Variants in KCNJ16 observed in about 807,000 individuals in gnomAD.
The protein encoded by KCNJ16 is inward rectifier potassium channel 16.
A neutral mutation model predicts 18.5 loss-of-function variants in KCNJ16; 15 were observed. That is an observed-to-expected ratio of 0.81 (90% CI 0.54 to 1.25). The LOEUF (loss-of-function observed/expected upper bound fraction) is 1.25. Among genes scored for constraint, KCNJ16 ranks in the 50% most tolerant of loss-of-function variants. The probability of loss-of-function intolerance (pLI) is 0.00; values close to 1 mark genes in which losing one functional copy is unlikely to be tolerated. For missense variants in KCNJ16, 523 were observed against 525.7 expected, an observed-to-expected ratio of 0.99 and a Z score of 0.05; for synonymous variants, 174 against 186.5, an observed-to-expected ratio of 0.93 and a Z score of 0.55.
chr17:70,132,485 G>A lies in KCNJ16; in HGVS notation c.398G>A (p.Gly133Glu). The part of the protein sequence containing the change: ...LFSLETQTTI[G>E]YGYRCVTEEC... ...TCCCTAGAGACCCAAACCACCATAGGATATGGTTATCGCTGTGTTACTGAA... is the reference window on the plus strand; with the variant it reads ...TCCCTAGAGACCCAAACCACCATAGAATATGGTTATCGCTGTGTTACTGAA... Residue 133 changes from glycine (G) to glutamate (E), a missense_variant, in exon 4 of 4, where the codon GGA becomes GAA. Coordinates refer to ENST00000392671, the MANE Select transcript of KCNJ16 (RefSeq NM_170741.4). The A allele has an allele frequency of 6.2e-7, 1 of 1,614,098 alleles. No individual in the cohort carries two copies. The highest frequency in any genetic ancestry group is 8.5e-7 in the Non-Finnish European group (1 of 1,180,018).
At chr17:70,113,750 C>T (rs1244565146) in intron 2 of KCNJ16, among the ~76,000 whole-genome samples, 3 of 152,022 alleles carry the variant, frequency 2.0e-5, no homozygotes, top group African/African-American at 7.2e-5. Context: ...TAATAAAATT[C>T]CAACCTTCCA....
Position 70,132,016 on chromosome 17 carries a change from C to A in KCNJ16, c.-72C>A. 6.3e-7 allele frequency: 1 copy of A among 1,595,366 alleles called. No individual in the cohort carries two copies. The highest frequency in any genetic ancestry group is 1.1e-5 in the South Asian group (1 of 89,342). On this transcript the variant is annotated 5_prime_UTR_variant, in exon 4 of 4. Coordinates refer to ENST00000392671, the MANE Select transcript of KCNJ16 (RefSeq NM_170741.4). The stretch of plus-strand genomic sequence containing the variant: ...TTAGGTTCTAACTGAAAACCCAAAC[C>A]AAGAAATAGCAACAAGTCTAGAATT...
chr17:70,090,755 C>T (rs545043063), intron 1 of KCNJ16, among the ~76,000 whole-genome samples: 3 of 151,454 alleles, frequency 2.0e-5, no homozygotes, highest in South Asian at 2.1e-4. Flanking sequence ...CTCACAATAC[C>T]GCTAACCCAC....
At chr17:70,120,930 G>T (rs1052883009) in intron 2 of KCNJ16, among the ~76,000 whole-genome samples, 1 of 152,190 alleles carries the variant, frequency 6.6e-6, no homozygotes, top group Non-Finnish European at 1.5e-5. Context: ...CAAGAAACCA[G>T]TTAGACTTAA....
At chr17:70,121,262 T>C (rs138295872) in intron 2 of KCNJ16, among the ~76,000 whole-genome samples, 1 of 152,336 alleles carries the variant, frequency 6.6e-6, no homozygotes, top group Non-Finnish European at 1.5e-5. Flanking sequence ...TCCAGTTTAA[T>C]GTAATCAGCT....
chr17:70,092,395 A>C (rs2072128502), intron 1 of KCNJ16, among the ~76,000 whole-genome samples: 1 of 152,090 alleles, frequency 6.6e-6, no homozygotes, highest in African/African-American at 2.4e-5. Flanking sequence ...TCAGAGCATG[A>C]GTTATGTAAG....
chr17:70,111,058 G>C (rs1259274455), intron 2 of KCNJ16, among the ~76,000 whole-genome samples: 2 of 152,120 alleles, frequency 1.3e-5, no homozygotes, highest in East Asian at 3.9e-4. Flanking sequence ...CAACCCTGGT[G>C]TCTGGAGTTG....
intron 1 of KCNJ16, among the ~76,000 whole-genome samples, chr17:70,095,975 C>T (rs568820303): frequency 4.2e-4 from 58 of 138,982 alleles, no homozygotes; most frequent in East Asian, 3.9e-3. Flanking sequence ...CTCCGCCTCC[C>T]GGGTTCACAC....
chr17:70,087,299 CAGAT>C (rs2071848534), intron 1 of KCNJ16, among the ~76,000 whole-genome samples: 1 of 152,130 alleles, frequency 6.6e-6, no homozygotes, highest in South Asian at 2.1e-4. Flanking sequence ...TAGTGTAAGA[CAGAT>C]AGGGAAACTC....
At chr17:70,100,269 A>G (rs901395684) in intron 1 of KCNJ16, among the ~76,000 whole-genome samples, 9 of 152,234 alleles carry the variant, frequency 5.9e-5, no homozygotes, top group African/African-American at 1.4e-4. Flanking sequence ...GGTATTACAT[A>G]TAAGTCAGAC....
intron 1 of KCNJ16, among the ~76,000 whole-genome samples, chr17:70,088,209 A>AT (rs1489806415): frequency 3.3e-5 from 5 of 151,998 alleles, no homozygotes; most frequent in African/African-American, 9.7e-5. Flanking sequence ...GTAGAAGACG[A>AT]TTTTTTTCAC....
chr17:70,096,037 CA>C (rs2072355285), intron 1 of KCNJ16, among the ~76,000 whole-genome samples: 1 of 151,874 alleles, frequency 6.6e-6, no homozygotes, highest in Admixed American at 6.6e-5. Context: ...CGCCCACCAC[CA>C]TGTCTGGCTA....
chr17:70,114,477 G>T (rs1228114376), intron 2 of KCNJ16, among the ~76,000 whole-genome samples: 2 of 152,116 alleles, frequency 1.3e-5, no homozygotes, highest in African/African-American at 4.8e-5. Context: ...CATTTGTTTT[G>T]AAATGCACAG....
At chr17:70,088,442 G>A (rs1184459268) in intron 1 of KCNJ16, among the ~76,000 whole-genome samples, 2 of 152,312 alleles carry the variant, frequency 1.3e-5, no homozygotes, top group South Asian at 2.1e-4. Flanking sequence ...TGTGCGGCCC[G>A]GTTCCTAACA....
At chr17:70,121,489 G>T (rs779046836) in intron 2 of KCNJ16, among the ~76,000 whole-genome samples, 4 of 152,006 alleles carry the variant, frequency 2.6e-5, no homozygotes, top group Non-Finnish European at 5.9e-5. Flanking sequence ...ATCACAGAAC[G>T]GTGAGAAGAG....
Position 70,097,133 on chromosome 17 carries a change from T to C in KCNJ16, c.-299-3525T>C, listed in dbSNP as rs531922626. On this transcript the variant is annotated intron_variant, in intron 1 of 3. Transcript: ENST00000392671. ...GCACTTTTGTTAATGTGATCACAGA[T>C]ACAGAGTTAGCCGTTCAACCCCAAA... is the stretch of plus-strand genomic sequence containing the variant. Among the ~76,000 whole-genome samples the C allele has an allele frequency of 2.6e-3, 403 of 152,304 alleles. 2 individuals carry two copies. Among genetic ancestry groups the C allele is most frequent in the African/African-American group, 9.1e-3 (377 of 41,554 alleles).
intron 1 of KCNJ16, among the ~76,000 whole-genome samples, chr17:70,095,389 T>G (rs2072308085): frequency 6.6e-6 from 1 of 152,200 alleles, no homozygotes; most frequent in Non-Finnish European, 1.5e-5. Context: ...TCCTTATGCT[T>G]GCCTTCACTT....
At chr17:70,092,698 A>C (rs1290680089) in intron 1 of KCNJ16, among the ~76,000 whole-genome samples, 1 of 152,106 alleles carries the variant, frequency 6.6e-6, no homozygotes, top group Non-Finnish European at 1.5e-5. Context: ...AACTAGAAAA[A>C]CTGTGCTGAA....
intron 1 of KCNJ16, among the ~76,000 whole-genome samples, chr17:70,085,697 T>C (rs1259277073): frequency 6.6e-6 from 1 of 152,192 alleles, no homozygotes; most frequent in African/African-American, 2.4e-5. Flanking sequence ...TGATGATTGA[T>C]TTTATTGAAG....
Sources: allele counts gnomAD v4.1 joint callset (sites outside exome capture counted in the v4.1 genomes callset), GRCh38; gene constraint gnomAD v4.1.1; transcripts MANE v1.5; gene names NCBI Gene and HGNC (gene_info 2026-07-23, HGNC 2026-07-21).